Variants in ANXA10 observed in about 807,000 individuals in gnomAD.
ANXA10 encodes annexin 14.
ANXA10 carries 49 observed loss-of-function variants against 53.5 expected under a neutral mutation model. That is an observed-to-expected ratio of 0.92 (90% CI 0.73 to 1.16). The LOEUF (loss-of-function observed/expected upper bound fraction) is 1.16. Ranked by LOEUF, ANXA10 falls within the 50% of genes most tolerant of loss-of-function variation. The pLI is 0.00. For missense variants in ANXA10, 393 were observed against 394.4 expected, an observed-to-expected ratio of 1.00 and a Z score of 0.03; for synonymous variants, 131 against 128.9, an observed-to-expected ratio of 1.02 and a Z score of -0.11.
chr4:168,177,333 T>A (rs1220964124), intron 6 of ANXA10, among the ~76,000 whole-genome samples: 1 of 152,190 alleles, frequency 6.6e-6, no homozygotes, highest in Non-Finnish European at 1.5e-5. Context: ...TGTTGTTGTA[T>A]AAATCCTATT....
chr4:168,172,571 G>A (rs1732034190), intron 6 of ANXA10, among the ~76,000 whole-genome samples: 1 of 152,092 alleles, frequency 6.6e-6, no homozygotes, highest in Non-Finnish European at 1.5e-5. Context: ...TGCCAAGCAT[G>A]ATTTTAGATA....
intron 6 of ANXA10, among the ~76,000 whole-genome samples, chr4:168,177,221 G>C (rs992332286): frequency 2.0e-5 from 3 of 152,172 alleles, no homozygotes; most frequent in African/African-American, 7.2e-5. Context: ...TGTTTGAAAT[G>C]ATCAACTGGA....
chr4:168,154,496 G>A (rs1423227301), intron 3 of ANXA10, among the ~76,000 whole-genome samples: 1 of 152,054 alleles, frequency 6.6e-6, no homozygotes, highest in Non-Finnish European at 1.5e-5. Context: ...AAGCAGTGGT[G>A]GCCAGGAAGT....
intron 10 of ANXA10, among the ~76,000 whole-genome samples, chr4:168,181,965 G>A (rs1390441400): frequency 6.6e-6 from 1 of 152,064 alleles, no homozygotes; most frequent in African/African-American, 2.4e-5. Flanking sequence ...CCATATTTGG[G>A]GTGTATCTCC....
rs1445201341 is a variant in ANXA10 at position 168,179,303 on chromosome 4, G to A, written c.715G>A (p.Val239Ile). 6.2e-7 allele frequency: 1 copy of A among 1,603,976 alleles called. No individual in the cohort carries two copies. The highest frequency in any genetic ancestry group is 8.5e-7 in the Non-Finnish European group (1 of 1,172,426). The stretch of plus-strand genomic sequence containing the variant: ...TGATGGATACTTTCAGGAGCTGCTG[G>A]TTGCAATTGGTAAGTAATAAATTAT... ...CYDGYFQELL[V>I]AIVLCVRDKP... The change falls in exon 9 of 12, where the codon GTT becomes ATT. Residue 239 changes from valine (V) to isoleucine (I), a missense_variant. Val to Ile is a conservative substitution (Grantham distance 29). Transcript: ENST00000359299.
At chr4:168,121,866 C>T (rs1015693509) in intron 1 of ANXA10, among the ~76,000 whole-genome samples, 4 of 151,860 alleles carry the variant, frequency 2.6e-5, no homozygotes, top group African/African-American at 9.7e-5. Flanking sequence ...TTTTCTGAGA[C>T]GGAGTCTCAC....
At chr4:168,099,910 C>T (rs187513880) in intron 1 of ANXA10, among the ~76,000 whole-genome samples, 9 of 152,214 alleles carry the variant, frequency 5.9e-5, no homozygotes, top group Admixed American at 5.9e-4. Flanking sequence ...TGTCTGCCAA[C>T]AATAACAGAG....
chr4:168,181,187 C>T (rs1347090670), intron 9 of ANXA10, among the ~76,000 whole-genome samples: 1 of 151,586 alleles, frequency 6.6e-6, no homozygotes, highest in Non-Finnish European at 1.5e-5. Context: ...GTCAGGAGAT[C>T]GAGACCATCC....
intron 1 of ANXA10, among the ~76,000 whole-genome samples, chr4:168,094,849 G>A (rs1361097064): frequency 3.9e-5 from 6 of 151,944 alleles, no homozygotes; most frequent in Middle Eastern, 3.2e-3. Flanking sequence ...GGAGTTAGGC[G>A]GGCCCCAGTG....
chr4:168,185,210 C>T (rs1350661029), intron 11 of ANXA10, among the ~76,000 whole-genome samples: 1 of 152,088 alleles, frequency 6.6e-6, no homozygotes, highest in Non-Finnish European at 1.5e-5. Flanking sequence ...AGAACTTATT[C>T]CTCTTTGATG....
At chr4:168,178,025 A>G (rs1279070256) in intron 8 of ANXA10, 42 bp downstream of exon 8, 1 of 1,565,114 alleles carries the variant, frequency 6.4e-7, no homozygotes, top group East Asian at 2.2e-5. Flanking sequence ...TTGACCAATT[A>G]TATAACAAAA....
intron 1 of ANXA10, among the ~76,000 whole-genome samples, chr4:168,104,490 G>A (rs988075308): frequency 6.6e-6 from 1 of 151,832 alleles, no homozygotes; most frequent in Non-Finnish European, 1.5e-5. Flanking sequence ...TAAATGGTTG[G>A]CAGAAATATC....
chr4:168,147,826 G>A (rs1413455282), intron 3 of ANXA10, among the ~76,000 whole-genome samples: 1 of 152,164 alleles, frequency 6.6e-6, no homozygotes, highest in Non-Finnish European at 1.5e-5. Context: ...AGTCCACAAT[G>A]GGAATAGGAA....
intron 1 of ANXA10, among the ~76,000 whole-genome samples, chr4:168,099,690 C>A (rs907233739): frequency 6.6e-6 from 1 of 151,958 alleles, no homozygotes; most frequent in Non-Finnish European, 1.5e-5. Context: ...TGACTGTGGG[C>A]GGCTATGCTT....
At chr4:168,137,332 T>C (rs1731253639) in intron 2 of ANXA10, among the ~76,000 whole-genome samples, 1 of 152,204 alleles carries the variant, frequency 6.6e-6, no homozygotes, top group Admixed American at 6.5e-5. Flanking sequence ...GTTGCATGCA[T>C]ATATTGCATA....
chr4:168,139,022 G>T (rs906687064), intron 2 of ANXA10, among the ~76,000 whole-genome samples: 2 of 152,100 alleles, frequency 1.3e-5, no homozygotes, highest in African/African-American at 2.4e-5. Context: ...CTATAAGATG[G>T]TAAGATCATA....
At chr4:168,153,967 A>G (rs1451992918) in intron 3 of ANXA10, among the ~76,000 whole-genome samples, 1 of 142,978 alleles carries the variant, frequency 7.0e-6, no homozygotes, top group East Asian at 2.0e-4. Flanking sequence ...GTTCACTGTA[A>G]CTATAGCTAT....
chr4:168,130,105 AT>A (rs1223756866), intron 2 of ANXA10, among the ~76,000 whole-genome samples: 1 of 152,086 alleles, frequency 6.6e-6, no homozygotes, highest in East Asian at 1.9e-4. Flanking sequence ...TAGCTATAGG[AT>A]TTTTGAAAAC....
Position 168,162,597 on chromosome 4 carries a change from C to A in ANXA10, c.265C>A (p.Pro89Thr). The change falls in exon 4 of 12, where the codon CCA becomes ACA. Residue 89 changes from proline to threonine, a missense_variant. Coordinates refer to ENST00000359299, the MANE Select transcript of ANXA10 (RefSeq NM_007193.5). ...FKDVMAGLMY[P>T]PPLYDAHELW... is the part of the protein sequence containing the mutation. The stretch of plus-strand genomic sequence containing the variant: ...AGATGTGATGGCTGGCCTCATGTAC[C>A]CACCACCACTGTATGATGCTCATGA... 1 of 1,613,832 alleles carries A rather than the reference C, an allele frequency of 6.2e-7. No homozygotes were observed. Among genetic ancestry groups the A allele is most frequent in the East Asian group, 2.2e-5 (1 of 44,870 alleles).
Sources: allele counts gnomAD v4.1 joint callset (sites outside exome capture counted in the v4.1 genomes callset), GRCh38; gene constraint gnomAD v4.1.1; transcripts MANE v1.5; gene names NCBI Gene and HGNC (gene_info 2026-07-23, HGNC 2026-07-21).